Variants in PTPN4 observed in about 807,000 individuals in gnomAD.
PTPN4 encodes tyrosine-protein phosphatase non-receptor type 4.
A neutral mutation model predicts 135.5 loss-of-function variants in PTPN4; 49 were observed. The ratio of observed to expected loss-of-function variants is 0.36; its 90% CI spans 0.29 to 0.46. The LOEUF (loss-of-function observed/expected upper bound fraction) is 0.46, where lower values mean the gene tolerates loss of function less well. Among genes scored for constraint, PTPN4 ranks in the 20% least tolerant of loss-of-function variants. PTPN4 has a pLI of 1.00. For synonymous variants in PTPN4, 333 were observed against 369.9 expected (o/e 0.90, Z 1.14); for missense variants, 860 against 1,101.0 (o/e 0.78, Z 3.10).
chr2:119,784,488 G>A (rs1259839503), intron 1 of PTPN4, among the ~76,000 whole-genome samples: 1 of 149,572 alleles, frequency 6.7e-6, no homozygotes, highest in African/African-American at 2.5e-5. Flanking sequence ...CCGGGTTCAC[G>A]CCATTCTCCT....
At chr2:119,818,405 C>T (rs1677020161) in intron 2 of PTPN4, among the ~76,000 whole-genome samples, 1 of 152,228 alleles carries the variant, frequency 6.6e-6, no homozygotes, top group Admixed American at 6.5e-5. Context: ...CAAATCCAGC[C>T]TTCTGGCTGT....
At chr2:119,939,531 G>A (rs1210182127) in intron 15 of PTPN4, among the ~76,000 whole-genome samples, 1 of 152,070 alleles carries the variant, frequency 6.6e-6, no homozygotes, top group Non-Finnish European at 1.5e-5. Flanking sequence ...GAACTCCTGG[G>A]CTCTAGTGAT....
At chr2:119,953,841 A>G (rs1679243118) in intron 19 of PTPN4, among the ~76,000 whole-genome samples, 1 of 152,204 alleles carries the variant, frequency 6.6e-6, no homozygotes, top group Admixed American at 6.5e-5. Context: ...ACAGAGCCAG[A>G]ATATGAACAA....
chr2:119,887,082 A>G (rs938195728), intron 9 of PTPN4, among the ~76,000 whole-genome samples: 6 of 151,718 alleles, frequency 4.0e-5, no homozygotes, highest in Non-Finnish European at 7.4e-5. Flanking sequence ...TCTTTTGAAC[A>G]TGATTCTTAA....
At chr2:119,843,102 A>T (rs578185413) in intron 2 of PTPN4, among the ~76,000 whole-genome samples, 1 of 152,206 alleles carries the variant, frequency 6.6e-6, no homozygotes, top group Admixed American at 6.5e-5. Context: ...ACTTTTCATT[A>T]GCCTGTTACT....
At chr2:119,930,728 A>G (rs1043420710) in intron 13 of PTPN4, among the ~76,000 whole-genome samples, 5 of 152,148 alleles carry the variant, frequency 3.3e-5, no homozygotes, top group Admixed American at 1.3e-4. Context: ...TGAAACTTCA[A>G]ACTTCATGAG....
chr2:119,891,916 AT>A (rs1678246359), intron 9 of PTPN4, among the ~76,000 whole-genome samples: 2 of 151,936 alleles, frequency 1.3e-5, no homozygotes, highest in South Asian at 4.2e-4. Flanking sequence ...TTATATTTGA[AT>A]TTGCTTTTGT....
chr2:119,862,355 G>A (rs1677773415), intron 2 of PTPN4, among the ~76,000 whole-genome samples, 181 bp from the exon 3 acceptor site: 1 of 152,042 alleles, frequency 6.6e-6, no homozygotes, highest in African/African-American at 2.4e-5. Context: ...TAAGCTTATG[G>A]GAGTTATTTA....
In PTPN4 at chr2:119,943,657, C is replaced by T. The variant is rs888245873; in HGVS notation, c.1356-1424C>T. ...TTGGAGTGCAGTGGCGCGATCTTGGCTCACTGCAAGCTCCGCCTCCCAGGT... is the reference window on the plus strand; with the variant it reads ...TTGGAGTGCAGTGGCGCGATCTTGGTTCACTGCAAGCTCCGCCTCCCAGGT... On this transcript the variant is annotated intron_variant, in intron 15 of 26. Coordinates refer to ENST00000263708, the MANE Select transcript of PTPN4 (RefSeq NM_002830.4). 6.4e-5 allele frequency among the ~76,000 whole-genome samples: 8 copies of T among 124,904 alleles called. No individual in the cohort carries two copies. In the East Asian group the frequency reaches 2.2e-3, roughly 34 times the overall value. 81.9% of individuals were successfully genotyped at this position (124,904 alleles called of 152,430 possible). A position where few individuals can be genotyped will look rare whatever the true frequency, so the allele number is the denominator to read the frequency against.
At position 119,897,332 on chromosome 2, in the gene PTPN4, C is replaced by T. The variant is rs180758047; in HGVS notation, c.676-3386C>T. On this transcript the variant is annotated intron_variant, in intron 9 of 26. Coordinates refer to ENST00000263708, the MANE Select transcript of PTPN4 (RefSeq NM_002830.4). Reference sequence around the variant, plus strand: ...GCCACAGACATGAAATTAGCCATTTCTCCAAGAAGCCCTTTTAATGGAAAA... The same window carrying T: ...GCCACAGACATGAAATTAGCCATTTTTCCAAGAAGCCCTTTTAATGGAAAA... Among the ~76,000 whole-genome samples, 18 of 152,250 alleles carry T rather than the reference C, an allele frequency of 1.2e-4. No individual in the cohort carries two copies. The East Asian group carries it at 2.9e-3, about 24-fold the overall frequency.
At position 119,915,222 on chromosome 2, in the gene PTPN4, A is replaced by G. The variant is rs372225039; in HGVS notation, c.808A>G (p.Ile270Val). 13 of 1,541,336 alleles carry G rather than the reference A, an allele frequency of 8.4e-6. No individual in the cohort carries two copies. The African/African-American group carries it at 1.7e-4, about 20-fold the overall frequency. ...KISFKCKQFFIQLRKELHESR... is the reference protein window; with the variant it reads ...KISFKCKQFFVQLRKELHESR... ...TTCTTTTAAGTGCAAACAGTTTTTT[A>G]TTCAACTTAGAAAAGAATTGGTGAG... Residue 270 changes from isoleucine (I) to valine (V), a missense_variant, in exon 11 of 27, where the codon ATT (isoleucine) becomes GTT (valine). Around this residue, in one of 2 missense-constraint regions of PTPN4, gnomAD observed 684 missense variants for 807.0 expected, o/e 0.85. Coordinates refer to ENST00000263708, the MANE Select transcript of PTPN4 (RefSeq NM_002830.4).
At chr2:119,855,458 TG>T (rs1284810712) in intron 2 of PTPN4, among the ~76,000 whole-genome samples, 2 of 152,182 alleles carry the variant, frequency 1.3e-5, no homozygotes, top group Admixed American at 6.5e-5. Context: ...AGTTGTGGCT[TG>T]TGAGAGACAC....
intron 19 of PTPN4, among the ~76,000 whole-genome samples, chr2:119,954,474 G>A (rs1444289587): frequency 6.6e-6 from 1 of 152,194 alleles, no homozygotes; most frequent in Admixed American, 6.5e-5. Flanking sequence ...TTCACATGGT[G>A]TGTGTATCCT....
chr2:119,925,395 G>A (rs1678808801), intron 12 of PTPN4, among the ~76,000 whole-genome samples: 1 of 152,178 alleles, frequency 6.6e-6, no homozygotes, highest in Non-Finnish European at 1.5e-5. Flanking sequence ...ACATAATTGT[G>A]TATATTTATA....
intron 1 of PTPN4, among the ~76,000 whole-genome samples, chr2:119,800,985 C>T (rs978881163): frequency 4.0e-5 from 6 of 151,582 alleles, no homozygotes; most frequent in African/African-American, 1.5e-4. Flanking sequence ...GAGAGGGATT[C>T]CCAGTTTATT....
At chr2:119,924,005 T>C (rs537851321) in intron 12 of PTPN4, among the ~76,000 whole-genome samples, 5 of 151,694 alleles carry the variant, frequency 3.3e-5, no homozygotes, top group South Asian at 2.1e-4. Flanking sequence ...GGCGTAGTGG[T>C]GGGCACCTGT....
At chr2:119,923,972 C>A (rs1678775585) in intron 12 of PTPN4, among the ~76,000 whole-genome samples, 1 of 151,794 alleles carries the variant, frequency 6.6e-6, no homozygotes, top group African/African-American at 2.4e-5. Flanking sequence ...CCTGTCTCTA[C>A]TAAAAATACA....
rs1391934459 is a variant in PTPN4 at position 119,973,654 on chromosome 2, TG to T, written c.2695-3329del. Among the ~76,000 whole-genome samples, 45 of 125,526 alleles carry T rather than the reference TG, an allele frequency of 3.6e-4. 1 individual carries two copies. Among genetic ancestry groups the T allele is most frequent in the African/African-American group, 1.1e-3 (38 of 35,502 alleles). The allele number at this position is 125,526 out of a possible 152,430, so 82.3% of individuals were successfully genotyped here. A position where few individuals can be genotyped will look rare whatever the true frequency, so the allele number is the denominator to read the frequency against. On this transcript the variant is annotated intron_variant, in intron 26 of 26. Transcript: ENST00000263708. ...ATTGAAAGCTTCCTCCTTCATTTCT[TG>T]TTTTTTTTTTTTTTTTTTTTTTTTT... is the stretch of plus-strand genomic sequence containing the variant.
At chr2:119,775,338 A>G (rs555451312) in intron 1 of PTPN4, among the ~76,000 whole-genome samples, 18 of 151,532 alleles carry the variant, frequency 1.2e-4, no homozygotes, top group Admixed American at 2.6e-4. Context: ...CTGGACAATA[A>G]CTCTTTTTCT....
Sources: allele counts gnomAD v4.1 joint callset (sites outside exome capture counted in the v4.1 genomes callset), GRCh38; gene constraint gnomAD v4.1.1; regional missense constraint gnomAD v4.1.1; transcripts MANE v1.5; gene names NCBI Gene and HGNC (gene_info 2026-07-23, HGNC 2026-07-21).